The following PRR4 variants were observed in gnomAD, a reference collection of about 807,000 sequenced individuals.
PRR4 encodes the protein proline rich 4.
Under a neutral mutation model 7.6 loss-of-function variants are expected in PRR4, and 7 were observed. The ratio of observed to expected loss-of-function variants is 0.92; its 90% confidence interval spans 0.52 to 1.73. PRR4 has a LOEUF of 1.73. PRR4 is among the 40% of genes most tolerant of loss of function. PRR4 has a pLI of 0.00. For synonymous variants in PRR4, 64 were observed against 58.5 expected, an observed-to-expected ratio of 1.09 and a Z score of -0.43; for missense variants, 187 against 161.0, an observed-to-expected ratio of 1.16 and a Z score of -0.87.
chr12:10,845,971 A>G (rs894859616), intron 3 of PRR4, 21 bp from the exon 4 acceptor site: 99 of 1,322,056 alleles, frequency 7.5e-5, no homozygotes, highest in Non-Finnish European at 9.4e-5. Flanking sequence ...AAAAAAAACC[A>G]AGGAAATTTA....
chr12:10,847,357 G>C lies in PRR4; in HGVS notation c.111C>G (p.Asp37Glu), dbSNP rs373065427. 2.6e-6 allele frequency: 4 copies of C among 1,534,414 alleles called. No individual in the cohort carries two copies. The highest frequency in any genetic ancestry group is 3.5e-6 in the Non-Finnish European group (4 of 1,140,042). ...DFTFTIPDVE[D>E]SSQRPDQGPQ... ...GTCCCTGATCTGGTCTCTGACTTGA[G>C]TCCTCTACATCTGTGTGAGTAATTA... The change falls in exon 3 of 4, where the codon GAC becomes GAG. Residue 37 changes from aspartate to glutamate, a missense_variant. By Grantham distance (45) the Asp-to-Glu change is conservative. Coordinates refer to ENST00000228811, the MANE Select transcript of PRR4 (RefSeq NM_007244.3).
intron 3 of PRR4, 72 bp from the exon 4 acceptor site, chr12:10,846,022 A>G (rs1949012467): frequency 2.3e-5 from 23 of 1,020,038 alleles, no homozygotes; most frequent in Non-Finnish European, 3.0e-5. Context: ...TAATTCCTTG[A>G]TGATATTACT....
Position 10,847,230 on chromosome 12 carries a change from G to C in PRR4, c.238C>G (p.His80Asp), listed in dbSNP as rs753553554. 6.2e-7 allele frequency: 1 copy of C among 1,613,922 alleles called. No individual in the cohort carries two copies. The highest frequency in any genetic ancestry group is 8.5e-7 in the Non-Finnish European group (1 of 1,179,890). The change falls in exon 3 of 4, where the codon CAC becomes GAC. Residue 80 changes from histidine (H) to aspartate (D), a missense_variant. Transcript: ENST00000228811. ...AAAGGAGGTGGGGGAGGATGGCGGT[G>C]ATGGCCTCCTGGTTTTGGTGGTCTC... ...QQRPPKPGGH[H>D]RHPPPPPFQN...
At chr12:10,846,043 A>T in intron 3 of PRR4, 93 bp from the exon 4 acceptor site, 1 of 874,462 alleles carries the variant, frequency 1.1e-6, no homozygotes, top group African/African-American at 1.7e-5. Flanking sequence ...GAAGTAAATT[A>T]TTGCTTTCAA....
Position 10,847,368 on chromosome 12 carries a change from C to A in PRR4, c.101-1G>T, listed in dbSNP as rs752551259. 1.3e-6 allele frequency: 2 copies of A among 1,493,672 alleles called. No individual in the cohort carries two copies. Among genetic ancestry groups the A allele is most frequent in the Non-Finnish European group, 1.8e-6 (2 of 1,118,886 alleles). 92.5% of individuals were successfully genotyped at this position (1,493,672 alleles called of 1,614,324 possible). A position where few individuals can be genotyped will look rare whatever the true frequency, so the allele number is the denominator to read the frequency against. On this transcript the variant is annotated splice_acceptor_variant, in intron 2 of 3. Coordinates refer to ENST00000228811, the MANE Select transcript of PRR4 (RefSeq NM_007244.3). LOFTEE classifies it high-confidence loss of function. ...GGTCTCTGACTTGAGTCCTCTACAT[C>A]TGTGTGAGTAATTAATGGACAAGAA...
chr12:10,849,158 A>G (rs746862462), intron 1 of PRR4: 11 of 238,872 alleles, frequency 4.6e-5, no homozygotes, highest in African/African-American at 2.2e-4. Context: ...TTCCAAGTGT[A>G]TATCAAATAA....
rs555027683 is a variant in PRR4 at position 10,849,474 on chromosome 12, T to A, written c.-37A>T. 6 of 1,526,024 alleles carry A rather than the reference T, an allele frequency of 3.9e-6. No individual in the cohort carries two copies. The highest frequency in any genetic ancestry group is 3.8e-5 in the Admixed American group (2 of 52,114). The allele number at this position is 1,526,024 out of a possible 1,614,324, so 94.5% of individuals were successfully genotyped here. On this transcript the variant is annotated 5_prime_UTR_variant, in exon 1 of 4. Coordinates refer to ENST00000228811, the MANE Select transcript of PRR4 (RefSeq NM_007244.3). Reference sequence around the variant, plus strand: ...CTCTGGAGTTGCTCCCAACTCTGCGTTGAGAGAAACATGGCAGCTCCCTTT... The same window carrying A: ...CTCTGGAGTTGCTCCCAACTCTGCGATGAGAGAAACATGGCAGCTCCCTTT...
chr12:10,846,330 T>G (rs1949016609), intron 3 of PRR4, among the ~76,000 whole-genome samples: 1 of 152,190 alleles, frequency 6.6e-6, no homozygotes, highest in South Asian at 2.1e-4. Context: ...AGACATGTAT[T>G]ATTTGAAATA....
chr12:10,849,449 C>T lies in PRR4; in HGVS notation c.-12G>A. 6.3e-7 allele frequency: 1 copy of T among 1,595,310 alleles called. No homozygotes were observed. The highest frequency in any genetic ancestry group is 8.5e-7 in the Non-Finnish European group (1 of 1,169,844). ...AGGACCAGCAGCATCTTGAAGGAGGCTCTGGAGTTGCTCCCAACTCTGCGT... is the reference window on the plus strand; with the variant it reads ...AGGACCAGCAGCATCTTGAAGGAGGTTCTGGAGTTGCTCCCAACTCTGCGT... On this transcript the variant is annotated 5_prime_UTR_variant, in exon 1 of 4. Coordinates refer to ENST00000228811, the MANE Select transcript of PRR4 (RefSeq NM_007244.3).
chr12:10,848,511 C>G, intron 1 of PRR4, 104 bp from the exon 2 acceptor site: 1 of 995,242 alleles, frequency 1.0e-6, no homozygotes, highest in Non-Finnish European at 1.5e-6. Context: ...CCTGTGCATC[C>G]CCTAAGTTAC....
At position 10,845,960 on chromosome 12, in the gene PRR4, A is replaced by G; in HGVS notation, c.*19-10T>C. ...TCTTCTTATTTATTTTCTGAAACAA[A>G]AAAAAAAACCAAGGAAATTTATACA... On this transcript the variant is annotated splice_polypyrimidine_tract_variant and intron_variant, in intron 3 of 3. Coordinates refer to ENST00000228811, the MANE Select transcript of PRR4 (RefSeq NM_007244.3). The G allele has an allele frequency of 7.5e-7, 1 of 1,339,434 alleles. No homozygotes were observed. Among genetic ancestry groups the G allele is most frequent in the Non-Finnish European group, 9.8e-7 (1 of 1,021,688 alleles). The allele number at this position is 1,339,434 out of a possible 1,614,324, so 83.0% of individuals were successfully genotyped here. A position where few individuals can be genotyped will look rare whatever the true frequency, so the allele number is the denominator to read the frequency against.
chr12:10,847,249 T>C lies in PRR4; in HGVS notation c.219A>G (p.Pro73=), dbSNP rs1949031321. ...GGCGGTGATGGCCTCCTGGTTTTGG[T>C]GGTCTCTGCTGAGGACCATCATCTT... ...GNQDDGPQQR[P]PKPGGHHRHP... Residue 73 remains proline (P), a synonymous_variant, in exon 3 of 4, where the codon CCA becomes CCG. Transcript: ENST00000228811. The C allele has an allele frequency of 6.2e-7, 1 of 1,613,666 alleles. No homozygotes were observed. The highest frequency in any genetic ancestry group is 1.3e-5 in the African/African-American group (1 of 74,986).
At chr12:10,846,531 AT>A (rs1188851007) in intron 3 of PRR4, among the ~76,000 whole-genome samples, 4 of 151,664 alleles carry the variant, frequency 2.6e-5, no homozygotes, top group South Asian at 2.1e-4. Flanking sequence ...GTTCAGTTAG[AT>A]TTTTTTTTCC....
intron 3 of PRR4, 41 bp from the exon 4 acceptor site, chr12:10,845,991 T>G: frequency 8.0e-7 from 1 of 1,257,474 alleles, no homozygotes; most frequent in Non-Finnish European, 1.0e-6. Context: ...ATACACAACA[T>G]ACAACATGGC....
rs377378324 is a variant in PRR4, at chr12:10,847,169, C to T, written c.299G>A (p.Arg100His). The stretch of plus-strand genomic sequence containing the variant: ...AGGAAATCGGGGTAGAGAGAGTTGA[C>T]GGTGTCCTCGTCGGGGTGGTCGTTG... ...NQQRPPRRGH[R>H]QLSLPRFPSV... Residue 100 changes from arginine (R) to histidine (H), a missense_variant, in exon 3 of 4, where the codon CGT becomes CAT. By Grantham distance (29) the Arg-to-His change is conservative. Coordinates refer to ENST00000228811, the MANE Select transcript of PRR4 (RefSeq NM_007244.3). 2.0e-5 allele frequency: 33 copies of T among 1,613,542 alleles called. 1 individual carries two copies. The East Asian group carries it at 2.2e-4, about 11-fold the overall frequency.
rs751364795 is a variant in PRR4, at chr12:10,848,388, A to G, written c.84T>C (p.Phe28=). The G allele has an allele frequency of 1.9e-6, 3 of 1,610,916 alleles. No individual in the cohort carries two copies. The highest frequency in any genetic ancestry group is 2.7e-5 in the African/African-American group (2 of 74,856). ...STDNDVNYED[F]TFTIPDVEDS... ...GGGATTTACCTGGTATGGTGAAAGTAAAGTCTTCATAGTTCACATCTAGGA... is the reference window on the plus strand; with the variant it reads ...GGGATTTACCTGGTATGGTGAAAGTGAAGTCTTCATAGTTCACATCTAGGA... Residue 28 remains phenylalanine, a synonymous_variant, in exon 2 of 4, where the codon TTT becomes TTC. Coordinates refer to ENST00000228811, the MANE Select transcript of PRR4 (RefSeq NM_007244.3).
chr12:10,849,302 C>A (rs1949064575), intron 1 of PRR4, 72 bp downstream of exon 1: 1 of 929,792 alleles, frequency 1.1e-6, no homozygotes, highest in Non-Finnish European at 1.6e-6. Flanking sequence ...GGGTGAACCC[C>A]TGAGGCCCTA....
chr12:10,849,325 C>A (rs1171034387), intron 1 of PRR4, 49 bp downstream of exon 1: 1 of 1,250,438 alleles, frequency 8.0e-7, no homozygotes, highest in East Asian at 2.6e-5. Flanking sequence ...AGAGTCATGG[C>A]CCCTCATCCC....
Position 10,845,858 on chromosome 12 carries a change from A to G in PRR4, c.*111T>C. 8.9e-6 allele frequency: 9 copies of G among 1,015,068 alleles called. No homozygotes were observed. The highest frequency in any genetic ancestry group is 1.2e-5 in the Non-Finnish European group (9 of 765,398). 62.9% of individuals were successfully genotyped at this position (1,015,068 alleles called of 1,614,324 possible). ...AAGCAACAATCAGAAATTGCATGCT[A>G]TTAATATTTTATTGGTATACTGAAG... On this transcript the variant is annotated 3_prime_UTR_variant, in exon 4 of 4. Coordinates refer to ENST00000228811, the MANE Select transcript of PRR4 (RefSeq NM_007244.3).
Sources: allele counts gnomAD v4.1 joint callset (sites outside exome capture counted in the v4.1 genomes callset), GRCh38; gene constraint gnomAD v4.1.1; transcripts MANE v1.5; gene names NCBI Gene and HGNC (gene_info 2026-07-23, HGNC 2026-07-21).